Variants in TBC1D16 observed in about 807,000 individuals in gnomAD.
TBC1D16 encodes CTD-2529O21.1.
Under a neutral mutation model 74.7 loss-of-function variants are expected in TBC1D16, and 58 were observed. The ratio of observed to expected loss-of-function variants is 0.78; its 90% CI spans 0.63 to 0.97. The LOEUF (loss-of-function observed/expected upper bound fraction) is 0.97, where lower values mean the gene tolerates loss of function less well. Among genes scored for constraint, TBC1D16 ranks in the 50% least tolerant of loss-of-function variants. The pLI, the probability that TBC1D16 is intolerant of heterozygous loss-of-function variation, is 0.00. For synonymous variants in TBC1D16, 493 were observed against 474.7 expected (o/e 1.04, Z -0.50); for missense variants, 1,014 against 1,079.5 (o/e 0.94, Z 0.85).
At position 79,988,092 on chromosome 17, in the gene TBC1D16, CT is replaced by C. The variant is rs1453563379; in HGVS notation, c.779+22067del. Reference sequence around the variant, plus strand: ...TCAAACGAAATACTTCTAAGTTCTTCTCTGTGAAAGCGTGTGTGTGTTTAGA... The same window carrying C: ...TCAAACGAAATACTTCTAAGTTCTTCCTGTGAAAGCGTGTGTGTGTTTAGA... On this transcript the variant is annotated intron_variant, in intron 3 of 11. Coordinates refer to ENST00000310924, the MANE Select transcript of TBC1D16 (RefSeq NM_019020.4). This position sits in a 1 kb window ranked among gnomAD's most constrained non-coding sequence, Gnocchi z 5.7. Among the ~76,000 whole-genome samples, 3 of 152,202 alleles carry C rather than the reference CT, an allele frequency of 2.0e-5. No homozygotes were observed. Among genetic ancestry groups the C allele is most frequent in the Non-Finnish European group, 4.4e-5 (3 of 68,036 alleles).
In TBC1D16 at chr17:80,001,661, C is replaced by A. The variant is rs2144597935; in HGVS notation, c.779+8499G>T. Reference sequence around the variant, plus strand: ...CCTGGCCATCCCACCTCCGAGGTCTCTCTGGGACCCAGTTGTCCCTCCCCT... The same window carrying A: ...CCTGGCCATCCCACCTCCGAGGTCTATCTGGGACCCAGTTGTCCCTCCCCT... On this transcript the variant is annotated intron_variant, in intron 3 of 11. Coordinates refer to ENST00000310924, the MANE Select transcript of TBC1D16 (RefSeq NM_019020.4). This position sits in a 1 kb window ranked among gnomAD's most constrained non-coding sequence, Gnocchi z 5.8. Among the ~76,000 whole-genome samples the A allele has an allele frequency of 6.6e-6, 1 of 152,226 alleles. No homozygotes were observed. Among genetic ancestry groups the A allele is most frequent in the East Asian group, 1.9e-4 (1 of 5,162 alleles).
In TBC1D16 at chr17:79,950,374, C is replaced by A; in HGVS notation, c.1257+37G>T. ...TCGCTCGTTCCCGGTTCCCGGCCGG[C>A]TCTCCGCGGGGCCAGCTGGGCGGAC... On this transcript the variant is annotated intron_variant, in intron 6 of 11. Coordinates refer to ENST00000310924, the MANE Select transcript of TBC1D16 (RefSeq NM_019020.4). The surrounding 1 kb of genome is among the most constrained non-coding windows in gnomAD (Gnocchi z 4.6). 6.4e-7 allele frequency: 1 copy of A among 1,554,344 alleles called. No individual in the cohort carries two copies. The highest frequency in any genetic ancestry group is 1.2e-5 in the South Asian group (1 of 84,132).
intron 3 of TBC1D16, among the ~76,000 whole-genome samples, chr17:80,004,398 ATCT>A (rs2035599398): frequency 1.3e-5 from 2 of 152,166 alleles, no homozygotes; most frequent in Non-Finnish European, 2.9e-5. Context: ...TCAATACCAC[ATCT>A]TCTCCTATCT....
rs200588963 is a variant in TBC1D16 at position 79,945,054 on chromosome 17, C to G, written c.1762G>C (p.Val588Leu). Reference sequence around the variant, plus strand: ...GAGACCAGGTGCTGGTAGAAGCGCACGTGCGTCAGCCGCAGCAGCTCGCGC... The same window carrying G: ...GAGACCAGGTGCTGGTAGAAGCGCAGGTGCGTCAGCCGCAGCAGCTCGCGC... ...YLRELLRLTH[V>L]RFYQHLVSLG... The change falls in exon 10 of 12, where the codon GTG (valine) becomes CTG (leucine). Residue 588 changes from valine to leucine, a missense_variant. Physicochemically the swap from Val to Leu is conservative, Grantham distance 32. Coordinates refer to ENST00000310924, the MANE Select transcript of TBC1D16 (RefSeq NM_019020.4). 5.7e-6 allele frequency: 9 copies of G among 1,585,286 alleles called. No individual in the cohort carries two copies. The highest frequency in any genetic ancestry group is 2.3e-5 in the East Asian group (1 of 43,820).
chr17:79,971,319 G>A lies in TBC1D16; in HGVS notation c.780-18501C>T, dbSNP rs1039931254. On this transcript the variant is annotated intron_variant, in intron 3 of 11. Transcript: ENST00000310924. The surrounding 1 kb of genome is among the most constrained non-coding windows in gnomAD (Gnocchi z 4.6). Reference sequence around the variant, plus strand: ...ATTACAGGTGTGAGGCACCGCACCCGGCCCACACTCCCAGTATTTTTTAAG... The same window carrying A: ...ATTACAGGTGTGAGGCACCGCACCCAGCCCACACTCCCAGTATTTTTTAAG... Among the ~76,000 whole-genome samples, 8 of 152,144 alleles carry A rather than the reference G, an allele frequency of 5.3e-5. No individual in the cohort carries two copies. Among genetic ancestry groups the A allele is most frequent in the East Asian group, 1.9e-4 (1 of 5,184 alleles).
chr17:79,978,941 T>C (rs1000502389), intron 3 of TBC1D16, among the ~76,000 whole-genome samples: 1 of 152,262 alleles, frequency 6.6e-6, no homozygotes, highest in South Asian at 2.1e-4. Context: ...TCGTTCTGTT[T>C]TCATTCCCTC....
chr17:79,947,901 C>A lies in TBC1D16; in HGVS notation c.1542-70G>T, dbSNP rs922417119. ...GCGGCACACTGCCCAGCCTGCAGAA[C>A]CCTGGGCCGTGGACCCTGCCTTCCC... On this transcript the variant is annotated intron_variant, in intron 8 of 11. Coordinates refer to ENST00000310924, the MANE Select transcript of TBC1D16 (RefSeq NM_019020.4). The A allele has an allele frequency of 1.5e-5, 21 of 1,367,632 alleles. No individual in the cohort carries two copies. The African/African-American group carries it at 3.0e-4, about 20-fold the overall frequency. The allele number at this position is 1,367,632 out of a possible 1,614,324, so 84.7% of individuals were successfully genotyped here.
At chr17:79,948,674 T>A (rs532727527) in intron 8 of TBC1D16, among the ~76,000 whole-genome samples, 198 bp downstream of exon 8, 1 of 152,214 alleles carries the variant, frequency 6.6e-6, no homozygotes, top group Non-Finnish European at 1.5e-5. Flanking sequence ...CCTGGGTGGC[T>A]TCCCTGGGAT....
At chr17:79,957,186 G>A (rs146474329) in intron 3 of TBC1D16, among the ~76,000 whole-genome samples, 9 of 152,348 alleles carry the variant, frequency 5.9e-5, no homozygotes, top group Non-Finnish European at 1.3e-4. Context: ...GGTGTGCTGG[G>A]TTGGGAGAGG....
At chr17:80,011,631 C>T (rs979773954) in intron 2 of TBC1D16, among the ~76,000 whole-genome samples, 1 of 152,092 alleles carries the variant, frequency 6.6e-6, no homozygotes, top group Non-Finnish European at 1.5e-5. Context: ...TCGAGACCAT[C>T]GTGGCTAACA....
chr17:79,997,637 T>C (rs1426178281), intron 3 of TBC1D16, among the ~76,000 whole-genome samples: 3 of 152,242 alleles, frequency 2.0e-5, no homozygotes, highest in African/African-American at 2.4e-5. Context: ...TTCCCCTCAA[T>C]GTACACACTT....
In TBC1D16 at chr17:79,940,606, G is replaced by C; in HGVS notation, c.*253C>G. On this transcript the variant is annotated 3_prime_UTR_variant, in exon 12 of 12. Coordinates refer to ENST00000310924, the MANE Select transcript of TBC1D16 (RefSeq NM_019020.4). This position sits in a 1 kb window ranked among gnomAD's most constrained non-coding sequence, Gnocchi z 5.4. Reference sequence around the variant, plus strand: ...GAGAGCCCAGCCAGCCTGCGTCTCAGGTGCGGTGGCTGCGCGTTCCACTGC... The same window carrying C: ...GAGAGCCCAGCCAGCCTGCGTCTCACGTGCGGTGGCTGCGCGTTCCACTGC... 2.7e-6 allele frequency: 1 copy of C among 373,902 alleles called. No individual in the cohort carries two copies. Among genetic ancestry groups the C allele is most frequent in the African/African-American group, 2.1e-5 (1 of 48,460 alleles). 23.2% of individuals were successfully genotyped at this position (373,902 alleles called of 1,614,324 possible).
Position 79,988,447 on chromosome 17 carries a change from C to T in TBC1D16, c.779+21713G>A, listed in dbSNP as rs1419706818. ...AGGTCCAAGCTCCACTGGGCGTATG[C>T]CCAAGGGGCAGAGGGGGCAGCAACC... On this transcript the variant is annotated intron_variant, in intron 3 of 11. Coordinates refer to ENST00000310924, the MANE Select transcript of TBC1D16 (RefSeq NM_019020.4). This position sits in a 1 kb window ranked among gnomAD's most constrained non-coding sequence, Gnocchi z 5.7. Among the ~76,000 whole-genome samples the T allele has an allele frequency of 6.6e-6, 1 of 152,250 alleles. No homozygotes were observed. The highest frequency in any genetic ancestry group is 1.5e-5 in the Non-Finnish European group (1 of 68,044).
At chr17:79,995,344 ACTGATATT>A (rs1489809942) in intron 3 of TBC1D16, among the ~76,000 whole-genome samples, 1 of 152,042 alleles carries the variant, frequency 6.6e-6, no homozygotes, top group Non-Finnish European at 1.5e-5. Context: ...AATATGCCCA[ACTGATATT>A]GGACAAAAGA....
intron 2 of TBC1D16, among the ~76,000 whole-genome samples, chr17:80,011,905 T>A (rs1036052274): frequency 4.6e-5 from 7 of 152,178 alleles, no homozygotes; most frequent in South Asian, 4.1e-4. Context: ...GGCATTTTTT[T>A]AATGCAGATT....
rs1166111135 is a variant in TBC1D16, at chr17:79,983,274, G to A, written c.779+26886C>T. On this transcript the variant is annotated intron_variant, in intron 3 of 11. Transcript: ENST00000310924. This position sits in a 1 kb window ranked among gnomAD's most constrained non-coding sequence, Gnocchi z 5.6. ...TGGCAAGACAGACCATGTAATCTCA[G>A]GGACTCTCAGCTGGCCCCACCCCAG... Among the ~76,000 whole-genome samples, 1 of 152,222 alleles carries A rather than the reference G, an allele frequency of 6.6e-6. No homozygotes were observed. Among genetic ancestry groups the A allele is most frequent in the Non-Finnish European group, 1.5e-5 (1 of 68,046 alleles).
intron 1 of TBC1D16, among the ~76,000 whole-genome samples, chr17:80,024,355 A>ACACCACACACCACACACCATACCACACAC (rs144518941): frequency 5.6e-5 from 2 of 35,478 alleles, no homozygotes; most frequent in Non-Finnish European, 1.3e-4. Flanking sequence ...ACCATACCAC[A>ACACCACACACCACACACCATACCACACAC]CACAACACAC....
intron 2 of TBC1D16, among the ~76,000 whole-genome samples, chr17:80,011,490 G>C (rs965652870): frequency 6.6e-6 from 1 of 152,136 alleles, no homozygotes; most frequent in Non-Finnish European, 1.5e-5. Flanking sequence ...TTACAGCACT[G>C]TTAGGAGGGA....
intron 3 of TBC1D16, among the ~76,000 whole-genome samples, chr17:79,962,334 C>A (rs1048934559): frequency 6.6e-6 from 1 of 150,486 alleles, no homozygotes; most frequent in African/African-American, 2.4e-5. Flanking sequence ...CCTGCCTCAG[C>A]CTCCCAAGTA....
Sources: allele counts gnomAD v4.1 joint callset (sites outside exome capture counted in the v4.1 genomes callset), GRCh38; gene constraint gnomAD v4.1.1; non-coding constraint Gnocchi (gnomAD v3.1); transcripts MANE v1.5; gene names NCBI Gene and HGNC (gene_info 2026-07-23, HGNC 2026-07-21).